Variants in OPA3 observed in about 807,000 individuals in gnomAD.
OPA3 encodes the protein outer mitochondrial membrane lipid metabolism regulator OPA3.
Under a neutral mutation model 4.0 loss-of-function variants are expected in OPA3, and 6 were observed. The ratio of observed to expected loss-of-function variants is 1.51; its 90% CI spans 0.83 to 2.99. OPA3 has a LOEUF of 2.99. OPA3 is among the 30% of genes most tolerant of loss of function. The pLI is 0.00. For missense variants in OPA3, 235 were observed against 256.2 expected, an observed-to-expected ratio of 0.92 and a Z score of 0.56; for synonymous variants, 105 against 117.1, an observed-to-expected ratio of 0.90 and a Z score of 0.67.
intron 1 of OPA3, among the ~76,000 whole-genome samples, chr19:45,540,602 C>T (rs1015285110): frequency 6.7e-6 from 1 of 149,310 alleles, no homozygotes; most frequent in Non-Finnish European, 1.5e-5. Flanking sequence ...GGCACGGTGG[C>T]TCATACTAAT....
chr19:45,578,545 G>T (rs2334251), intron 1 of OPA3, among the ~76,000 whole-genome samples: 19 of 151,606 alleles, frequency 1.3e-4, no homozygotes, highest in African/African-American at 4.4e-4. Context: ...CTCTGCTCCC[G>T]GGCCAGGCGT....
intron 1 of OPA3, among the ~76,000 whole-genome samples, chr19:45,568,041 C>T (rs549220406): frequency 1.3e-5 from 2 of 152,276 alleles, no homozygotes; most frequent in South Asian, 4.1e-4. Context: ...CTCTATCACA[C>T]AAGCTGGAGT....
chr19:45,553,880 C>T lies in OPA3; in HGVS notation c.174G>A (p.Met58Ile), dbSNP rs1283375146. 6.2e-7 allele frequency: 1 copy of T among 1,610,016 alleles called. No individual in the cohort carries two copies. ...LYHWVEMRTK[M>I]RIMGFRGTVI... ...CCGTGCCCCGGAAGCCCATGATGCG[C>T]ATCTTGGTCCGCATCTCCACCCAGT... The change falls in exon 2 of 2, where the codon ATG (methionine) becomes ATA (isoleucine). Residue 58 changes from methionine (M) to isoleucine (I), a missense_variant. Transcript: ENST00000263275.
intron 1 of OPA3, among the ~76,000 whole-genome samples, chr19:45,567,356 A>AAG (rs1969598668): frequency 6.6e-6 from 1 of 151,542 alleles, no homozygotes; most frequent in South Asian, 2.1e-4. Context: ...AAAAAAAAAA[A>AAG]AAGAAGAAGA....
At chr19:45,584,284 C>T (rs540608903) in intron 1 of OPA3, 94 of 959,314 alleles carry the variant, frequency 9.8e-5, no homozygotes, top group Non-Finnish European at 1.1e-4. Flanking sequence ...TTCTCCTCAG[C>T]CCCTCCCCTA....
At chr19:45,555,268 G>A (rs1392626438) in intron 1 of OPA3, among the ~76,000 whole-genome samples, 1 of 152,174 alleles carries the variant, frequency 6.6e-6, no homozygotes, top group African/African-American at 2.4e-5. Context: ...TATGTGGACT[G>A]TAAATACAAA....
chr19:45,565,383 G>A (rs1321672681), intron 1 of OPA3, among the ~76,000 whole-genome samples: 2 of 151,982 alleles, frequency 1.3e-5, no homozygotes, highest in African/African-American at 4.8e-5. Context: ...TAATCCCAGC[G>A]CTTTGGGAGG....
At position 45,550,292 on chromosome 19, in the gene OPA3, G is replaced by A. The variant is rs73568980; in HGVS notation, c.*3222C>T. On this transcript the variant is annotated 3_prime_UTR_variant, in exon 2 of 2. Transcript: ENST00000263275. ...GAGAAGGGAGGTGAGGATGGAAGTC[G>A]GGGAAAGCCCGGCCCTCCCACTTTC... The A allele has an allele frequency of 2.5e-3, 2,429 of 985,498 alleles. 22 individuals carry two copies. In the African/African-American group the frequency reaches 0.029, roughly 12 times the overall value. 61.0% of individuals were successfully genotyped at this position (985,498 alleles called of 1,614,324 possible).
Position 45,574,669 on chromosome 19 carries a change from G to A in OPA3, c.142+9954C>T, listed in dbSNP as rs540425430. ...AGCCAAGAGTGCCTACTCTGTGGCA[G>A]ACTGTGCCATCAGGGACCCCTTCGT... is the stretch of plus-strand genomic sequence containing the variant. On this transcript the variant is annotated intron_variant, in intron 1 of 1. Coordinates refer to ENST00000263275, the MANE Select transcript of OPA3 (RefSeq NM_025136.4). 3.3e-5 allele frequency among the ~76,000 whole-genome samples: 5 copies of A among 152,338 alleles called. No homozygotes were observed. The South Asian group carries it at 1.0e-3, about 32-fold the overall frequency.
At chr19:45,584,412 T>G (rs1969901118) in intron 1 of OPA3, 1 of 985,232 alleles carries the variant, frequency 1.0e-6, no homozygotes, top group Non-Finnish European at 1.2e-6. Flanking sequence ...CCTACTCGCG[T>G]GGTGGCTCCT....
At position 45,584,706 on chromosome 19, in the gene OPA3, C is replaced by T. The variant is rs2122529443; in HGVS notation, c.59G>A (p.Ser20Asn). The T allele has an allele frequency of 6.2e-7, 1 of 1,614,196 alleles. No homozygotes were observed. Among genetic ancestry groups the T allele is most frequent in the Non-Finnish European group, 8.5e-7 (1 of 1,180,042 alleles). Residue 20 changes from serine (S) to asparagine (N), a missense_variant, in exon 1 of 2, where the codon AGC (serine) becomes AAC (asparagine). Transcript: ENST00000263275. The part of the protein sequence containing the change: ...KLLYLGIRQV[S>N]KPLANRIKEA... ...CTTAATACGGTTGGCAAGCGGCTTG[C>T]TGACCTGCCGGATGCCCAAGTATAG...
intron 1 of OPA3, among the ~76,000 whole-genome samples, chr19:45,539,782 A>G (rs1407204904): frequency 6.6e-6 from 1 of 152,030 alleles, no homozygotes; most frequent in Non-Finnish European, 1.5e-5. Flanking sequence ...TGAGATATTC[A>G]TGCAATAAAA....
In OPA3 at chr19:45,553,029, TAGA is replaced by T; in HGVS notation, c.*482_*484del. Reference sequence around the variant, plus strand: ...ACTGATGCTCAGCTAGAGCTGACCTTAGAAGGTGAGGGGGAGAAAAGGCCACTG... The same window carrying T: ...ACTGATGCTCAGCTAGAGCTGACCTTAGGTGAGGGGGAGAAAAGGCCACTG... On this transcript the variant is annotated 3_prime_UTR_variant, in exon 2 of 2. Coordinates refer to ENST00000263275, the MANE Select transcript of OPA3 (RefSeq NM_025136.4). 2.0e-6 allele frequency: 2 copies of T among 1,021,256 alleles called. No individual in the cohort carries two copies. The highest frequency in any genetic ancestry group is 2.3e-6 in the Non-Finnish European group (2 of 851,530). The allele number at this position is 1,021,256 out of a possible 1,614,324, so 63.3% of individuals were successfully genotyped here. A position where few individuals can be genotyped will look rare whatever the true frequency, so the allele number is the denominator to read the frequency against.
intron 1 of OPA3, among the ~76,000 whole-genome samples, chr19:45,536,293 C>T (rs1364546446): frequency 4.6e-5 from 7 of 150,634 alleles, no homozygotes; most frequent in Non-Finnish European, 8.9e-5. Flanking sequence ...CCTGTAATCC[C>T]AGCACTCTGG....
At chr19:45,539,061 C>T (rs1047319956) in intron 1 of OPA3, among the ~76,000 whole-genome samples, 8 of 152,034 alleles carry the variant, frequency 5.3e-5, no homozygotes, top group Admixed American at 2.6e-4. Context: ...GGAAAAACTG[C>T]CATTTTAAAA....
intron 1 of OPA3, among the ~76,000 whole-genome samples, chr19:45,572,061 G>A (rs1969673693): frequency 6.7e-6 from 1 of 149,360 alleles, no homozygotes; most frequent in African/African-American, 2.5e-5. Flanking sequence ...TTTTTCTGCT[G>A]GCTCTCGCTC....
intron 1 of OPA3, among the ~76,000 whole-genome samples, chr19:45,566,140 CT>C (rs996500152): frequency 2.6e-5 from 4 of 151,234 alleles, no homozygotes; most frequent in East Asian, 3.9e-4. Context: ...GTTTAATATT[CT>C]TTTTTTTATT....
At chr19:45,558,855 A>G (rs534718103) in intron 1 of OPA3, among the ~76,000 whole-genome samples, 4 of 151,290 alleles carry the variant, frequency 2.6e-5, no homozygotes, top group Admixed American at 2.6e-4. Context: ...GGCAGAGAGG[A>G]GACCCTCTGA....
In OPA3 at chr19:45,579,789, G is replaced by A. The variant is rs1170085398; in HGVS notation, c.142+4834C>T. 2.0e-5 allele frequency among the ~76,000 whole-genome samples: 3 copies of A among 151,932 alleles called. No individual in the cohort carries two copies. In the East Asian group the frequency reaches 5.8e-4, roughly 29 times the overall value. Reference sequence around the variant, plus strand: ...GTATCTACCTCATCATAACTGGTGAGGACCCAGTGCCAGAGGCTGGAAGGT... The same window carrying A: ...GTATCTACCTCATCATAACTGGTGAAGACCCAGTGCCAGAGGCTGGAAGGT... On this transcript the variant is annotated intron_variant, in intron 1 of 1. Transcript: ENST00000263275.
Sources: gnomAD v4.1 joint callset for allele counts (sites outside exome capture counted in the v4.1 genomes callset) on GRCh38, gnomAD v4.1.1 for gene constraint, MANE v1.5 for transcripts, NCBI Gene and HGNC (gene_info 2026-07-23, HGNC 2026-07-21) for gene names.